POTEJ: variants seen among roughly 807,000 people sequenced by gnomAD.
The protein encoded by POTEJ is POTE ankyrin domain family, member J.
A neutral mutation model predicts 69.0 loss-of-function variants in POTEJ; 11 were observed. The observed-to-expected ratio is 0.16, with a 90% CI of 0.10 to 0.26. POTEJ has a LOEUF of 0.26. Ranked by LOEUF, POTEJ falls within the 10% of genes least tolerant of loss-of-function variation. The pLI is 1.00. For missense variants in POTEJ, 327 were observed against 1,045.5 expected (o/e 0.31, Z 9.48); for synonymous variants, 117 against 381.1 (o/e 0.31, Z 8.07).
At chr2:130,612,569 G>A (rs1435561240) in intron 1 of POTEJ, among the ~76,000 whole-genome samples, 1 of 152,272 alleles carries the variant, frequency 6.6e-6, no homozygotes, top group Non-Finnish European at 1.5e-5. Context: ...GACCATCCTG[G>A]CTAACACGGT....
At chr2:130,645,588 T>G in intron 11 of POTEJ, 149 bp from the exon 12 acceptor site, 2 of 440,260 alleles carry the variant, frequency 4.5e-6, no homozygotes, top group Non-Finnish European at 7.2e-6. Flanking sequence ...ATTTATTTAT[T>G]TTAACAGTTT....
At chr2:130,611,216 G>A (rs1305998170), upstream of POTEJ, among the ~76,000 whole-genome samples, 3 of 129,300 alleles carry the variant, frequency 2.3e-5, no homozygotes, top group East Asian at 2.2e-4. Flanking sequence ...TTGGATTGGC[G>A]TTTCCTCTCT....
intron 10 of POTEJ, among the ~76,000 whole-genome samples, chr2:130,641,990 T>C (rs1403404626): frequency 6.6e-6 from 1 of 151,948 alleles, no homozygotes; most frequent in Non-Finnish European, 1.5e-5. Context: ...CCATGACCTG[T>C]GTGAGTCACA....
At chr2:130,612,897 TG>T (rs1351005144) in intron 1 of POTEJ, among the ~76,000 whole-genome samples, 47 of 136,756 alleles carry the variant, frequency 3.4e-4, no homozygotes, top group African/African-American at 1.2e-3. Context: ...ATTAATTTTT[TG>T]TAACAGAATG....
intron 4 of POTEJ, among the ~76,000 whole-genome samples, chr2:130,621,264 A>G (rs575767666): frequency 6.6e-6 from 1 of 151,082 alleles, no homozygotes; most frequent in East Asian, 1.9e-4. Context: ...CCCCACTGAG[A>G]TAAGAGGGTT....
At chr2:130,624,731 G>T (rs1290014855) in intron 6 of POTEJ, among the ~76,000 whole-genome samples, 3 of 151,950 alleles carry the variant, frequency 2.0e-5, no homozygotes, top group Non-Finnish European at 4.4e-5. Flanking sequence ...TAAAAGTAAG[G>T]AATTTTTGAT....
chr2:130,636,304 T>G (rs1301236169), intron 9 of POTEJ, among the ~76,000 whole-genome samples: 2 of 152,142 alleles, frequency 1.3e-5, no homozygotes, highest in Non-Finnish European at 2.9e-5. Context: ...ATGCTTAAGA[T>G]GCAATTGGGA....
intron 10 of POTEJ, among the ~76,000 whole-genome samples, chr2:130,640,736 C>T (rs1217188181): frequency 6.6e-6 from 1 of 152,142 alleles, no homozygotes; most frequent in Non-Finnish European, 1.5e-5. Flanking sequence ...TGCTCATTCC[C>T]AAACCAGGCA....
intron 1 of POTEJ, among the ~76,000 whole-genome samples, chr2:130,613,194 G>GA (rs1202052767): frequency 6.9e-6 from 1 of 144,168 alleles, no homozygotes; most frequent in African/African-American, 2.6e-5. Context: ...AAACATACCA[G>GA]AAAAAATATA....
At chr2:130,649,828 G>T (rs1354143719) in intron 13 of POTEJ, among the ~76,000 whole-genome samples, 1 of 150,436 alleles carries the variant, frequency 6.6e-6, no homozygotes, top group Non-Finnish European at 1.5e-5. Context: ...CCTGTGTCTG[G>T]AATGCTTTTT....
In POTEJ at chr2:130,632,050, C is replaced by G. The variant is rs1377015006; in HGVS notation, c.1132-440C>G. ...GCAAACTTCCTTTCTATTCCTGAAG[C>G]CGCACAGTGTGTCATCCTCTAAATC... On this transcript the variant is annotated intron_variant, in intron 8 of 14. Transcript: ENST00000409602. Among the ~76,000 whole-genome samples the G allele has an allele frequency of 4.1e-5, 6 of 145,076 alleles. 1 individual carries two copies. In the South Asian group the frequency reaches 8.4e-4, roughly 20 times the overall value.
At position 130,657,505 on chromosome 2, in the gene POTEJ, C is replaced by T. The variant is rs757699182; in HGVS notation, c.2745C>T (p.Asn915=). 99 of 1,570,028 alleles carry T rather than the reference C, an allele frequency of 6.3e-5. 11 individuals carry two copies. The African/African-American group carries it at 9.7e-4, about 15-fold the overall frequency. ...ATGGCCAGGTCATCACCATCAGCAA[C>T]GAGTGGTTCCGCTGCCCCGAGGCGC... ...LPDGQVITIS[N]EWFRCPEALF... Residue 915 remains asparagine, a synonymous_variant, in exon 15 of 15, where the codon AAC becomes AAT. Transcript: ENST00000409602.
intron 6 of POTEJ, among the ~76,000 whole-genome samples, chr2:130,626,548 T>C (rs1488543373): frequency 2.6e-5 from 4 of 151,984 alleles, no homozygotes; most frequent in African/African-American, 7.3e-5. Flanking sequence ...ACCATGATTA[T>C]ATGTAAGCAA....
chr2:130,641,789 A>G (rs1248255563), intron 10 of POTEJ, among the ~76,000 whole-genome samples: 2 of 152,196 alleles, frequency 1.3e-5, no homozygotes, highest in African/African-American at 4.8e-5. Context: ...TTTATAACTC[A>G]CATCCTACTA....
chr2:130,634,932 G>A (rs1410809985), intron 9 of POTEJ, among the ~76,000 whole-genome samples: 1 of 152,224 alleles, frequency 6.6e-6, no homozygotes, highest in African/African-American at 2.4e-5. Context: ...TGTAAATTAT[G>A]CATTTTTTCT....
chr2:130,650,102 G>A (rs1236254938), intron 13 of POTEJ, among the ~76,000 whole-genome samples: 4 of 152,392 alleles, frequency 2.6e-5, no homozygotes, highest in Admixed American at 2.0e-4. Context: ...ACATACCAGG[G>A]ATGCTCTCTA....
chr2:130,624,785 C>G (rs1022617375), intron 6 of POTEJ, among the ~76,000 whole-genome samples: 2 of 152,058 alleles, frequency 1.3e-5, no homozygotes, highest in Admixed American at 6.5e-5. Flanking sequence ...ATATGCTTGT[C>G]CCAATAAGGT....
intron 11 of POTEJ, among the ~76,000 whole-genome samples, chr2:130,644,419 G>A (rs1431583974): frequency 5.9e-5 from 9 of 151,866 alleles, no homozygotes; most frequent in African/African-American, 1.9e-4. Flanking sequence ...GCAGTGAGCC[G>A]ACATCCACCA....
intron 7 of POTEJ, 120 bp from the exon 8 acceptor site, chr2:130,631,289 A>T: frequency 5.7e-6 from 1 of 175,138 alleles, no homozygotes; most frequent in Non-Finnish European, 1.2e-5. Flanking sequence ...TTATTTTCTA[A>T]TTTTTCATCG....
Sources: allele counts gnomAD v4.1 joint callset (sites outside exome capture counted in the v4.1 genomes callset), GRCh38; gene constraint gnomAD v4.1.1; transcripts MANE v1.5; gene names NCBI Gene and HGNC (gene_info 2026-07-23, HGNC 2026-07-21).